Variants in GLI2 observed in about 807,000 individuals in gnomAD.
GLI2 encodes GLI family zinc finger 2.
GLI2 carries 22 observed loss-of-function variants against 78.9 expected under a neutral mutation model. That is an observed-to-expected ratio of 0.28 (90% CI 0.20 to 0.40). GLI2 has a LOEUF of 0.40. Among genes scored for constraint, GLI2 ranks in the 10% least tolerant of loss-of-function variants. GLI2 has a pLI of 1.00. For synonymous variants in GLI2, 974 were observed against 963.7 expected (o/e 1.01, Z -0.20); for missense variants, 2,097 against 2,213.2 (o/e 0.95, Z 1.05).
At position 120,968,639 on chromosome 2, in the gene GLI2, C is replaced by T. The variant is rs1681974725; in HGVS notation, c.644-75C>T. 3.7e-6 allele frequency: 4 copies of T among 1,083,746 alleles called. No individual in the cohort carries two copies. In the South Asian group the frequency reaches 3.7e-5, roughly 10 times the overall value. 67.1% of individuals were successfully genotyped at this position (1,083,746 alleles called of 1,614,324 possible). On this transcript the variant is annotated intron_variant, in intron 5 of 13. Transcript: ENST00000361492. Reference sequence around the variant, plus strand: ...ATTAGACCATCCTTGCAGGCTCTTCCTATCCCCCACCCACATGTCACCCCC... The same window carrying T: ...ATTAGACCATCCTTGCAGGCTCTTCTTATCCCCCACCCACATGTCACCCCC...
chr2:120,908,794 G>A (rs1487697974), intron 2 of GLI2, among the ~76,000 whole-genome samples: 2 of 152,234 alleles, frequency 1.3e-5, no homozygotes, highest in African/African-American at 4.8e-5. Context: ...GATTCAGGGT[G>A]GGTGGTTTGG....
chr2:120,843,107 G>A (rs17390274), intron 2 of GLI2, among the ~76,000 whole-genome samples: 9 of 152,112 alleles, frequency 5.9e-5, no homozygotes, highest in Non-Finnish European at 8.8e-5. Flanking sequence ...CTGTGTGTAC[G>A]GGAAGGTGCC....
chr2:120,751,194 T>TC (rs1300661004), intron 1 of GLI2, among the ~76,000 whole-genome samples: 2 of 152,234 alleles, frequency 1.3e-5, no homozygotes, highest in African/African-American at 4.8e-5. Flanking sequence ...ATTGGCCTTT[T>TC]CCCATCTTTA....
intron 1 of GLI2, among the ~76,000 whole-genome samples, chr2:120,758,755 G>T (rs758278228): frequency 6.6e-6 from 1 of 152,286 alleles, no homozygotes; most frequent in African/African-American, 2.4e-5. Flanking sequence ...GGTGGGCCCT[G>T]GGGAGCCCAC....
intron 2 of GLI2, among the ~76,000 whole-genome samples, chr2:120,868,021 C>A (rs1027504722): frequency 2.0e-5 from 3 of 151,986 alleles, no homozygotes; most frequent in African/African-American, 7.3e-5. Flanking sequence ...TCTTTCCTGC[C>A]CCCCCAGCCT....
chr2:120,943,783 C>G (rs1680576425), intron 3 of GLI2, among the ~76,000 whole-genome samples: 1 of 152,230 alleles, frequency 6.6e-6, no homozygotes, highest in African/African-American at 2.4e-5. Context: ...GTGGGACAGC[C>G]CGCCCTGATG....
chr2:120,927,499 G>A lies in GLI2; in HGVS notation c.254+33G>A, dbSNP rs746179300. 79 of 1,440,728 alleles carry A rather than the reference G, an allele frequency of 5.5e-5. No individual in the cohort carries two copies. The East Asian group carries it at 9.5e-4, about 17-fold the overall frequency. The allele number at this position is 1,440,728 out of a possible 1,614,324, so 89.2% of individuals were successfully genotyped here. On this transcript the variant is annotated intron_variant, in intron 3 of 13. Transcript: ENST00000361492. ...CTGCCCTCTGCCTGCTGCTCCTGGC[G>A]TGCAGTCACCTGCCATGGGGAGGCT... is the stretch of plus-strand genomic sequence containing the variant.
In GLI2 at chr2:120,984,562, A is replaced by G. The variant is rs1682876226; in HGVS notation, c.1724A>G (p.Asp575Gly). 6.2e-7 allele frequency: 1 copy of G among 1,614,106 alleles called. No homozygotes were observed. Among genetic ancestry groups the G allele is most frequent in the African/African-American group, 1.3e-5 (1 of 74,938 alleles). Residue 575 changes from aspartate (D) to glycine (G), a missense_variant, in exon 12 of 14, where the codon GAT becomes GGT. By Grantham distance (94) the Asp-to-Gly change is moderately conservative. Around this residue, in one of 5 missense-constraint regions of GLI2, gnomAD observed 104 missense variants for 190.6 expected, o/e 0.55. Transcript: ENST00000361492. ...RKHVKTVHGP[D>G]AHVTKKQRND... ...CATGTGAAAACGGTCCACGGCCCAG[A>G]TGCCCACGTCACCAAGAAGCAGCGC...
chr2:120,920,858 T>C (rs1679336385), intron 2 of GLI2, among the ~76,000 whole-genome samples: 1 of 149,542 alleles, frequency 6.7e-6, no homozygotes, highest in Middle Eastern at 3.4e-3. Flanking sequence ...TCTGTCCCTC[T>C]GCCGGAAGGA....
chr2:120,863,130 G>GA (rs1428726860), intron 2 of GLI2, among the ~76,000 whole-genome samples: 6 of 152,218 alleles, frequency 3.9e-5, no homozygotes, highest in Non-Finnish European at 7.3e-5. Flanking sequence ...TCACAACTTG[G>GA]ACTTAGTCAA....
chr2:120,936,943 G>T (rs556500408), intron 3 of GLI2, among the ~76,000 whole-genome samples: 1 of 152,326 alleles, frequency 6.6e-6, no homozygotes, highest in African/African-American at 2.4e-5. Flanking sequence ...GTCAGAAATT[G>T]CTGCTGCCCT....
At chr2:120,835,387 T>TTC (rs1309556006) in intron 2 of GLI2, among the ~76,000 whole-genome samples, 1 of 145,928 alleles carries the variant, frequency 6.9e-6, no homozygotes, top group African/African-American at 2.5e-5. Flanking sequence ...GCACCAGACT[T>TTC]TTTTTTTTTT....
chr2:120,891,429 C>A (rs1256265676), intron 2 of GLI2, among the ~76,000 whole-genome samples: 3 of 152,172 alleles, frequency 2.0e-5, no homozygotes, highest in Non-Finnish European at 4.4e-5. Flanking sequence ...CAAAAAGGGA[C>A]CCTACCTTAT....
chr2:120,749,816 C>T (rs148582619), intron 1 of GLI2, among the ~76,000 whole-genome samples: 168 of 152,348 alleles, frequency 1.1e-3, no homozygotes, highest in Non-Finnish European at 2.1e-3. Flanking sequence ...GCTGTTGCAT[C>T]ATCTCAAGAG....
At chr2:120,845,456 C>T (rs574978249) in intron 2 of GLI2, among the ~76,000 whole-genome samples, 2 of 152,326 alleles carry the variant, frequency 1.3e-5, no homozygotes, top group South Asian at 2.1e-4. Context: ...GGCCCAGGCA[C>T]GCCCACGTGG....
chr2:120,897,332 G>A (rs1276082944), intron 2 of GLI2, among the ~76,000 whole-genome samples: 3 of 152,220 alleles, frequency 2.0e-5, no homozygotes, highest in Non-Finnish European at 4.4e-5. Context: ...TCAGAGAATC[G>A]TCTCTCAGTT....
intron 2 of GLI2, among the ~76,000 whole-genome samples, chr2:120,891,430 C>G (rs1368747021): frequency 6.6e-6 from 1 of 152,116 alleles, no homozygotes; most frequent in Non-Finnish European, 1.5e-5. Context: ...AAAAAGGGAC[C>G]CTACCTTATA....
chr2:120,982,166 G>A (rs1188711964), intron 10 of GLI2, among the ~76,000 whole-genome samples: 1 of 152,104 alleles, frequency 6.6e-6, no homozygotes, highest in Non-Finnish European at 1.5e-5. Context: ...GTATGCAGAG[G>A]CCCCAAGCCA....
chr2:120,990,064 CG>C lies in GLI2; in HGVS notation c.4100del (p.Arg1367LeufsTer146), dbSNP rs1683214616. 6.2e-7 allele frequency: 1 copy of C among 1,600,020 alleles called. No individual in the cohort carries two copies. The highest frequency in any genetic ancestry group is 2.2e-5 in the East Asian group (1 of 44,642). On this transcript the variant is annotated frameshift_variant, in exon 14 of 14. Transcript: ENST00000361492. LOFTEE classifies it low-confidence loss of function (END_TRUNC). Reference protein sequence around the residue: ...PLEPSPTGRHRGVRAVQQQLA... With the variant: ...PLEPSPTGRHXGVRAVQQQLA... ...CGAGCCCAGCCCCACTGGCCGCCAC[CG>C]TGGGGTACGTGCTGTGCAGCAGCAG... is the stretch of plus-strand genomic sequence containing the variant.
Sources: allele counts gnomAD v4.1 joint callset (sites outside exome capture counted in the v4.1 genomes callset), GRCh38; gene constraint gnomAD v4.1.1; regional missense constraint gnomAD v4.1.1; transcripts MANE v1.5; gene names NCBI Gene and HGNC (gene_info 2026-07-23, HGNC 2026-07-21).